ATP2A2: variants seen among roughly 807,000 people sequenced by gnomAD.
ATP2A2 encodes the protein ATPase sarcoplasmic/endoplasmic reticulum Ca2+ transporting 2.
In ATP2A2, 14 loss-of-function variants were observed where a neutral mutation model predicts 109.3. The observed-to-expected ratio is 0.13, with a 90% CI of 0.08 to 0.20. ATP2A2 has a LOEUF of 0.20. ATP2A2 is among the 10% of genes least tolerant of loss of function. The pLI is 1.00. For missense variants in ATP2A2, 657 were observed against 1,321.6 expected (o/e 0.50, Z 7.80); for synonymous variants, 506 against 490.9 (o/e 1.03, Z -0.41).
At chr12:110,334,227 TAGA>T in intron 11 of ATP2A2, 84 bp downstream of exon 11, 4 of 1,528,560 alleles carry the variant, frequency 2.6e-6, no homozygotes, top group Non-Finnish European at 3.6e-6. Context: ...CCTACTCTCT[TAGA>T]AAACTAATTA....
rs149485805 is a variant in ATP2A2, at chr12:110,302,357, C to T, written c.463+5620C>T. Among the ~76,000 whole-genome samples, 511 of 152,122 alleles carry T rather than the reference C, an allele frequency of 3.4e-3. 4 individuals carry two copies. Among genetic ancestry groups the T allele is most frequent in the African/African-American group, 0.012 (495 of 41,490 alleles). ...AATGAATTTAATATTCAAAAAAAACCTGAGTTTAAATCCCTTAGGTGAATA... is the reference window on the plus strand; with the variant it reads ...AATGAATTTAATATTCAAAAAAAACTTGAGTTTAAATCCCTTAGGTGAATA... On this transcript the variant is annotated intron_variant, in intron 5 of 19. Coordinates refer to ENST00000539276, the MANE Select transcript of ATP2A2 (RefSeq NM_170665.4).
Position 110,350,845 on chromosome 12 carries a change from AGT to A in ATP2A2, c.*4379_*4380del, listed in dbSNP as rs1880327025. On this transcript the variant is annotated 3_prime_UTR_variant, in exon 20 of 20. Coordinates refer to ENST00000539276, the MANE Select transcript of ATP2A2 (RefSeq NM_170665.4). ...CCAGTTCATTTTCAGTTATTTTCTG[AGT>A]GTGCAGACAGCTATTTCGCACTGTA... 6.1e-6 allele frequency: 1 copy of A among 162,766 alleles called. No individual in the cohort carries two copies. The highest frequency in any genetic ancestry group is 2.4e-5 in the African/African-American group (1 of 41,524). The allele number at this position is 162,766 out of a possible 1,614,324, so 10.1% of individuals were successfully genotyped here.
At chr12:110,337,883 A>C (rs1467470165) in intron 11 of ATP2A2, among the ~76,000 whole-genome samples, 4 of 152,266 alleles carry the variant, frequency 2.6e-5, no homozygotes, top group Admixed American at 2.6e-4. Context: ...ATGCAGTATT[A>C]TACTGGCATT....
intron 8 of ATP2A2, chr12:110,329,687 G>A (rs1340630366): frequency 2.0e-5 from 3 of 152,200 alleles, no homozygotes; most frequent in Non-Finnish European, 4.4e-5. Context: ...CTCCCAAAGT[G>A]CTGGGATTAT....
At chr12:110,285,846 T>TGG (rs1167416844) in intron 3 of ATP2A2, among the ~76,000 whole-genome samples, 1 of 152,120 alleles carries the variant, frequency 6.6e-6, no homozygotes, top group African/African-American at 2.4e-5. Context: ...CTTCTCAACC[T>TGG]TTAGGTTACA....
rs2137890728 is a variant in ATP2A2, at chr12:110,351,036, G to A, written c.*4566G>A. On this transcript the variant is annotated 3_prime_UTR_variant, in exon 20 of 20. Transcript: ENST00000539276. ...GATCAGTTTGTTTCTTTCTGTGCTG[G>A]TAACAATGAGCGTCGCACAGACATG... The A allele has an allele frequency of 6.6e-6, 1 of 152,570 alleles. No homozygotes were observed. The highest frequency in any genetic ancestry group is 1.9e-4 in the East Asian group (1 of 5,196). 9.5% of individuals were successfully genotyped at this position (152,570 alleles called of 1,614,324 possible).
rs749591725 is a variant in ATP2A2, at chr12:110,344,989, T to C, written c.2607+18T>C. ...ACCAGCTGGTACTCAGTCACCTTTC[T>C]TTCTGTACCTTACATGAGAAGTGTT... On this transcript the variant is annotated intron_variant, in intron 17 of 19. Transcript: ENST00000539276. The C allele has an allele frequency of 1.9e-6, 3 of 1,612,030 alleles. No individual in the cohort carries two copies. The South Asian group carries it at 3.3e-5, about 18-fold the overall frequency.
chr12:110,281,516 G>C lies in ATP2A2; in HGVS notation c.-274G>C, dbSNP rs558822961. 1.2e-3 allele frequency: 239 copies of C among 202,460 alleles called. 5 individuals carry two copies. In the East Asian group the frequency reaches 0.025, roughly 21 times the overall value. The allele number at this position is 202,460 out of a possible 1,614,324, so 12.5% of individuals were successfully genotyped here. A position where few individuals can be genotyped will look rare whatever the true frequency, so the allele number is the denominator to read the frequency against. ...GCCCTCCCGGCGGGCGGCTGAGGGC[G>C]AGGGAGGCCCTCCCTTCTGGCGAGG... On this transcript the variant is annotated 5_prime_UTR_variant, in exon 1 of 20. Transcript: ENST00000539276.
At chr12:110,289,312 A>G (rs1238766095) in intron 3 of ATP2A2, among the ~76,000 whole-genome samples, 2 of 152,158 alleles carry the variant, frequency 1.3e-5, no homozygotes, top group East Asian at 3.8e-4. Context: ...TGTTTCTGAT[A>G]TGCTCTCCTT....
At chr12:110,330,173 A>ATTTTTAACATCGGAAATTG (rs375059532) in intron 8 of ATP2A2, 3 of 152,130 alleles carry the variant, frequency 2.0e-5, no homozygotes, top group African/African-American at 7.2e-5. Context: ...TTAGATAATT[A>ATTTTTAACATCGGAAATTG]TTTTTAACAT....
chr12:110,328,049 G>A (rs766366890), intron 8 of ATP2A2, 32 bp downstream of exon 8: 36 of 1,593,444 alleles, frequency 2.3e-5, no homozygotes, highest in South Asian at 9.9e-5. Flanking sequence ...ATTCCGTGTC[G>A]TGGTTCTTTG....
chr12:110,322,983 C>T lies in ATP2A2; in HGVS notation c.464-9C>T, dbSNP rs748094087. The T allele has an allele frequency of 1.2e-6, 2 of 1,606,094 alleles. No individual in the cohort carries two copies. Among genetic ancestry groups the T allele is most frequent in the South Asian group, 2.2e-5 (2 of 90,886 alleles). ...CTCATTTCAGCCGCCTTTTTTTTCT[C>T]CTAATTAGTTGGTGACAAAGTTCCT... On this transcript the variant is annotated splice_polypyrimidine_tract_variant and intron_variant, in intron 5 of 19. Transcript: ENST00000539276.
At chr12:110,334,185 G>C (rs1878612127) in intron 11 of ATP2A2, 42 bp downstream of exon 11, 1 of 1,610,312 alleles carries the variant, frequency 6.2e-7, no homozygotes, top group African/African-American at 1.3e-5. Flanking sequence ...CTGCTTATCA[G>C]TCGTACTATA....
At chr12:110,326,776 A>G (rs1220806747) in intron 7 of ATP2A2, among the ~76,000 whole-genome samples, 1 of 152,222 alleles carries the variant, frequency 6.6e-6, no homozygotes, top group African/African-American at 2.4e-5. Context: ...GGGTATTTTC[A>G]AAATGATGTA....
chr12:110,341,352 TTGA>T (rs1566239406), intron 14 of ATP2A2, among the ~76,000 whole-genome samples: 2 of 152,160 alleles, frequency 1.3e-5, no homozygotes, highest in African/African-American at 4.8e-5. Flanking sequence ...GAGCTGGCTA[TTGA>T]TGAAGCATTT....
intron 5 of ATP2A2, among the ~76,000 whole-genome samples, chr12:110,312,152 C>T (rs1408283697): frequency 6.6e-6 from 1 of 152,056 alleles, no homozygotes; most frequent in Non-Finnish European, 1.5e-5. Flanking sequence ...ATGCTCCAGC[C>T]TGGGTGACAG....
chr12:110,309,173 T>G (rs112123932), intron 5 of ATP2A2, among the ~76,000 whole-genome samples: 8 of 133,480 alleles, frequency 6.0e-5, no homozygotes, highest in Non-Finnish European at 1.3e-4. Flanking sequence ...TTTTTTTTTT[T>G]TTGAGATGGA....
intron 16 of ATP2A2, among the ~76,000 whole-genome samples, chr12:110,344,077 GGA>G (rs1428310634): frequency 6.6e-6 from 1 of 152,114 alleles, no homozygotes; most frequent in East Asian, 1.9e-4. Context: ...GTGCCCTTCC[GGA>G]GAGATTCCAG....
chr12:110,289,349 G>A (rs1359049796), intron 3 of ATP2A2, among the ~76,000 whole-genome samples: 2 of 152,166 alleles, frequency 1.3e-5, no homozygotes. Context: ...TCTAGTATCA[G>A]AGCAGCTGTG....
Sources: gnomAD v4.1 joint callset for allele counts (sites outside exome capture counted in the v4.1 genomes callset) on GRCh38, gnomAD v4.1.1 for gene constraint, MANE v1.5 for transcripts, NCBI Gene and HGNC (gene_info 2026-07-23, HGNC 2026-07-21) for gene names.